The following CAMTA1 variants were observed in gnomAD, a reference collection of about 807,000 sequenced individuals.
CAMTA1 encodes calmodulin binding transcription activator 1.
In CAMTA1, 27 loss-of-function variants were observed where a neutral mutation model predicts 170.9. That is an observed-to-expected ratio of 0.16 (90% CI 0.12 to 0.22). CAMTA1 has a LOEUF of 0.22. CAMTA1 is among the 10% of genes least tolerant of loss of function. The probability of loss-of-function intolerance (pLI) is 1.00; values close to 1 mark genes in which losing one functional copy is unlikely to be tolerated. For synonymous variants in CAMTA1, 833 were observed against 891.5 expected (o/e 0.93, Z 1.17); for missense variants, 1,619 against 2,217.2 (o/e 0.73, Z 5.42).
Position 7,598,402 on chromosome 1 carries a change from G to A in CAMTA1, c.511-41998G>A, listed in dbSNP as rs138895007. On this transcript the variant is annotated intron_variant, in intron 6 of 22. Coordinates refer to ENST00000303635, the MANE Select transcript of CAMTA1 (RefSeq NM_015215.4). Reference sequence around the variant, plus strand: ...ATAGTGCCACAATAAACATATGTGTGCATGTGTCTTTATAGCAGTATGTTT... The same window carrying A: ...ATAGTGCCACAATAAACATATGTGTACATGTGTCTTTATAGCAGTATGTTT... Among the ~76,000 whole-genome samples the A allele has an allele frequency of 1.0e-3, 152 of 152,290 alleles. 1 individual carries two copies. The highest frequency in any genetic ancestry group is 3.6e-3 in the African/African-American group (148 of 41,546).
At chr1:7,535,093 C>T (rs1175866494) in intron 6 of CAMTA1, among the ~76,000 whole-genome samples, 1 of 149,870 alleles carries the variant, frequency 6.7e-6, no homozygotes, top group Admixed American at 6.6e-5. Flanking sequence ...CAGCCACCCA[C>T]AGGCCGTTGA....
At chr1:7,162,347 T>C (rs981088154) in intron 4 of CAMTA1, among the ~76,000 whole-genome samples, 8 of 152,104 alleles carry the variant, frequency 5.3e-5, no homozygotes, top group African/African-American at 1.9e-4. Context: ...AATTTGATGG[T>C]TTTTAATATA....
intron 5 of CAMTA1, among the ~76,000 whole-genome samples, chr1:7,307,373 G>A (rs964119571): frequency 2.6e-5 from 4 of 151,576 alleles, no homozygotes; most frequent in African/African-American, 7.3e-5. Context: ...TTTTGTGTGG[G>A]CAATCATGCT....
intron 6 of CAMTA1, among the ~76,000 whole-genome samples, chr1:7,581,621 G>C (rs567556588): frequency 2.6e-5 from 4 of 152,240 alleles, no homozygotes; most frequent in African/African-American, 9.6e-5. Flanking sequence ...AGGTGGGACC[G>C]GCCAAGAGTG....
At chr1:6,815,738 G>C (rs1645722117) in intron 1 of CAMTA1, among the ~76,000 whole-genome samples, 1 of 152,146 alleles carries the variant, frequency 6.6e-6, no homozygotes, top group African/African-American at 2.4e-5. Flanking sequence ...TTGATCATCT[G>C]GTTTCTGATA....
In CAMTA1 at chr1:7,454,118, C is replaced by T. The variant is rs114118175; in HGVS notation, c.439-13712C>T. Among the ~76,000 whole-genome samples, 1,019 of 152,324 alleles carry T rather than the reference C, an allele frequency of 6.7e-3. 13 individuals carry two copies. The highest frequency in any genetic ancestry group is 0.023 in the African/African-American group (953 of 41,578). On this transcript the variant is annotated intron_variant, in intron 5 of 22. Transcript: ENST00000303635. Reference sequence around the variant, plus strand: ...CTGACTCTGTCCCCCTTTCTGTTTGCACTTGGGCAGGGCTCTCGAGTCCTT... The same window carrying T: ...CTGACTCTGTCCCCCTTTCTGTTTGTACTTGGGCAGGGCTCTCGAGTCCTT...
intron 3 of CAMTA1, among the ~76,000 whole-genome samples, chr1:6,862,540 A>G (rs568040572): frequency 6.6e-6 from 1 of 152,240 alleles, no homozygotes; most frequent in Admixed American, 6.5e-5. Context: ...TCATTTTTTA[A>G]CTATTCCAAT....
At position 7,102,412 on chromosome 1, in the gene CAMTA1, A is replaced by T. The variant is rs146495643; in HGVS notation, c.302+11041A>T. Among the ~76,000 whole-genome samples, 83 of 152,166 alleles carry T rather than the reference A, an allele frequency of 5.5e-4. No homozygotes were observed. The East Asian group carries it at 0.014, about 25-fold the overall frequency. Reference sequence around the variant, plus strand: ...TCCCATCACTCTCTCCACCGGGATGATCTGTAGGAATTCAGGATCTGAGTT... The same window carrying T: ...TCCCATCACTCTCTCCACCGGGATGTTCTGTAGGAATTCAGGATCTGAGTT... On this transcript the variant is annotated intron_variant, in intron 4 of 22. Transcript: ENST00000303635.
chr1:7,250,214 C>A (rs1326038610), intron 5 of CAMTA1, among the ~76,000 whole-genome samples: 1 of 152,166 alleles, frequency 6.6e-6, no homozygotes, highest in East Asian at 1.9e-4. Flanking sequence ...AGACTGGTTT[C>A]CTTGCTGTTG....
chr1:6,805,348 C>T (rs1360778296), intron 1 of CAMTA1, among the ~76,000 whole-genome samples: 4 of 152,186 alleles, frequency 2.6e-5, no homozygotes, highest in African/African-American at 9.7e-5. Context: ...CTATTCAAAT[C>T]CTCTTCCATT....
At chr1:7,730,569 C>T (rs1334386082) in intron 11 of CAMTA1, among the ~76,000 whole-genome samples, 2 of 152,146 alleles carry the variant, frequency 1.3e-5, no homozygotes, top group Non-Finnish European at 2.9e-5. Context: ...CTCCCCTCTT[C>T]GCTATTGAAT....
chr1:7,131,692 C>G (rs1033684206), intron 4 of CAMTA1, among the ~76,000 whole-genome samples: 1 of 152,036 alleles, frequency 6.6e-6, no homozygotes. Flanking sequence ...TTCCGTATGT[C>G]TCTACTTATG....
chr1:6,891,153 G>A (rs1674422992), intron 3 of CAMTA1, among the ~76,000 whole-genome samples: 2 of 152,106 alleles, frequency 1.3e-5, no homozygotes, highest in South Asian at 4.1e-4. Context: ...TTGATTAGAA[G>A]GTCATTAAAA....
chr1:7,109,659 CA>C (rs566047226), intron 4 of CAMTA1, among the ~76,000 whole-genome samples: 3 of 152,216 alleles, frequency 2.0e-5, no homozygotes, highest in Non-Finnish European at 2.9e-5. Flanking sequence ...GTGCAATCTG[CA>C]AAGAGACATT....
At chr1:7,686,569 C>T (rs2096260188) in intron 11 of CAMTA1, among the ~76,000 whole-genome samples, 1 of 151,940 alleles carries the variant, frequency 6.6e-6, no homozygotes, top group South Asian at 2.1e-4. Flanking sequence ...TGGGATGCAT[C>T]ACCAAGAGTA....
At chr1:6,962,862 T>C (rs1263908790) in intron 3 of CAMTA1, among the ~76,000 whole-genome samples, 1 of 116,656 alleles carries the variant, frequency 8.6e-6, no homozygotes, top group African/African-American at 3.3e-5. Flanking sequence ...CATCCCTGCC[T>C]TGCCCTGTGA....
intron 6 of CAMTA1, among the ~76,000 whole-genome samples, chr1:7,601,084 C>A (rs1021262383): frequency 4.6e-5 from 7 of 151,764 alleles, no homozygotes; most frequent in Non-Finnish European, 8.8e-5. Flanking sequence ...CCTCACCTCC[C>A]GGAAGGGGCG....
intron 3 of CAMTA1, among the ~76,000 whole-genome samples, chr1:6,861,128 G>A (rs1429478879): frequency 1.3e-5 from 2 of 151,916 alleles, no homozygotes; most frequent in Admixed American, 6.5e-5. Context: ...GCTAATTTTT[G>A]TGTTGTTGGT....
chr1:7,073,260 G>A (rs1638878335), intron 3 of CAMTA1, among the ~76,000 whole-genome samples: 2 of 152,178 alleles, frequency 1.3e-5, no homozygotes, highest in South Asian at 4.1e-4. Context: ...AGGGGTGTGA[G>A]TGTGGGTGTG....
Sources: gnomAD v4.1 joint callset for allele counts (sites outside exome capture counted in the v4.1 genomes callset) on GRCh38, gnomAD v4.1.1 for gene constraint, MANE v1.5 for transcripts, NCBI Gene and HGNC (gene_info 2026-07-23, HGNC 2026-07-21) for gene names.